RNF180: variants seen among roughly 807,000 people sequenced by gnomAD.
RNF180 encodes ring finger protein 180, also known as E3 ubiquitin-protein ligase RNF180.
A neutral mutation model predicts 59.2 loss-of-function variants in RNF180; 38 were observed. That is an observed-to-expected ratio of 0.64 (90% CI 0.50 to 0.84). The LOEUF (loss-of-function observed/expected upper bound fraction) is 0.84, where lower values mean the gene tolerates loss of function less well. RNF180 is among the 40% of genes least tolerant of loss of function. RNF180 has a pLI of 0.00. For missense variants in RNF180, 705 were observed against 700.9 expected, an observed-to-expected ratio of 1.01 and a Z score of -0.07; for synonymous variants, 262 against 240.3, an observed-to-expected ratio of 1.09 and a Z score of -0.84.
chr5:64,359,128 A>G (rs1266447131), intron 7 of RNF180, among the ~76,000 whole-genome samples: 1 of 151,566 alleles, frequency 6.6e-6, no homozygotes, highest in Non-Finnish European at 1.5e-5. Flanking sequence ...AGCATGATTT[A>G]TAGTCCTTTG....
intron 2 of RNF180, among the ~76,000 whole-genome samples, chr5:64,205,322 G>T (rs1482135788): frequency 6.6e-6 from 1 of 152,136 alleles, no homozygotes; most frequent in African/African-American, 2.4e-5. Context: ...AGGCAATTTA[G>T]AATGGAGTTT....
chr5:64,370,898 A>G lies in RNF180; in HGVS notation c.*1084A>G, dbSNP rs1746638399. On this transcript the variant is annotated 3_prime_UTR_variant, in exon 8 of 8. Coordinates refer to ENST00000389100, the MANE Select transcript of RNF180 (RefSeq NM_001113561.2). Reference sequence around the variant, plus strand: ...TATTATGAATTACTAATCCAGTATTACTACACTATGATGTCATATATCTGG... The same window carrying G: ...TATTATGAATTACTAATCCAGTATTGCTACACTATGATGTCATATATCTGG... 1 of 151,634 alleles carries G rather than the reference A, an allele frequency of 6.6e-6. No individual in the cohort carries two copies. The highest frequency in any genetic ancestry group is 2.1e-4 in the South Asian group (1 of 4,828). The allele number at this position is 151,634 out of a possible 1,614,324, so 9.4% of individuals were successfully genotyped here. A position where few individuals can be genotyped will look rare whatever the true frequency, so the allele number is the denominator to read the frequency against.
At chr5:64,274,840 G>A (rs577482444) in intron 5 of RNF180, among the ~76,000 whole-genome samples, 1 of 152,040 alleles carries the variant, frequency 6.6e-6, no homozygotes, top group South Asian at 2.1e-4. Context: ...ATAAACATCA[G>A]GGTTTTAAAC....
intron 6 of RNF180, among the ~76,000 whole-genome samples, chr5:64,326,763 G>A (rs1744665607): frequency 6.6e-6 from 1 of 152,072 alleles, no homozygotes; most frequent in African/African-American, 2.4e-5. Context: ...CAGGGCTATT[G>A]GACTGAAAAC....
chr5:64,292,798 G>C (rs376176486), intron 5 of RNF180, among the ~76,000 whole-genome samples: 1 of 152,168 alleles, frequency 6.6e-6, no homozygotes, highest in East Asian at 1.9e-4. Context: ...AGGGAGATCA[G>C]AGTTCTGTCC....
chr5:64,167,936 G>A (rs1484524364), intron 1 of RNF180, among the ~76,000 whole-genome samples: 2 of 152,146 alleles, frequency 1.3e-5, no homozygotes, highest in Non-Finnish European at 2.9e-5. Context: ...GAACTCCACG[G>A]AAGAAAGCAG....
intron 4 of RNF180, among the ~76,000 whole-genome samples, chr5:64,216,425 A>G (rs982262851): frequency 2.0e-5 from 3 of 152,194 alleles, no homozygotes; most frequent in Admixed American, 1.3e-4. Context: ...TCTTTGAGTA[A>G]TGACTTCAGT....
chr5:64,217,368 A>T lies in RNF180; in HGVS notation c.1199A>T (p.Tyr400Phe). ...RERWLQKQGK[Y>F]SGVGLLDHMT... ...AATTTTTTATTTCTCTAGGGTAAAT[A>T]CTCAGGAGTGGGATTGCTGGATCAT... is the stretch of plus-strand genomic sequence containing the variant. The change falls in exon 5 of 8, where the codon TAC becomes TTC. Residue 400 changes from tyrosine to phenylalanine, a missense_variant. Transcript: ENST00000389100. The T allele has an allele frequency of 7.1e-7, 1 of 1,414,266 alleles. No individual in the cohort carries two copies. The highest frequency in any genetic ancestry group is 9.3e-7 in the Non-Finnish European group (1 of 1,078,920). The allele number at this position is 1,414,266 out of a possible 1,614,324, so 87.6% of individuals were successfully genotyped here.
At chr5:64,178,367 A>G (rs564062907) in intron 1 of RNF180, among the ~76,000 whole-genome samples, 2 of 152,286 alleles carry the variant, frequency 1.3e-5, no homozygotes, top group Admixed American at 6.5e-5. Context: ...TTGGAAGCCA[A>G]AAGGCAAGAG....
At chr5:64,358,615 G>C (rs1746119140) in intron 7 of RNF180, among the ~76,000 whole-genome samples, 1 of 151,594 alleles carries the variant, frequency 6.6e-6, no homozygotes, top group South Asian at 2.1e-4. Flanking sequence ...GGTTTTATAG[G>C]CTAGATTTAT....
intron 5 of RNF180, among the ~76,000 whole-genome samples, chr5:64,320,930 C>T (rs1338015957): frequency 2.0e-5 from 3 of 151,780 alleles, no homozygotes; most frequent in East Asian, 3.9e-4. Context: ...CCCAGCCACT[C>T]GGGAGGCTGA....
intron 5 of RNF180, among the ~76,000 whole-genome samples, chr5:64,300,317 T>G (rs1337422794): frequency 6.6e-6 from 1 of 151,862 alleles, no homozygotes; most frequent in Non-Finnish European, 1.5e-5. Flanking sequence ...CCCACAATGC[T>G]TAAGTACTTC....
intron 5 of RNF180, among the ~76,000 whole-genome samples, chr5:64,282,305 AT>A: frequency 6.6e-6 from 1 of 152,104 alleles, no homozygotes; most frequent in African/African-American, 2.4e-5. Context: ...CAATTTATCT[AT>A]TTTTAGATTT....
intron 5 of RNF180, among the ~76,000 whole-genome samples, chr5:64,275,101 CAAT>C (rs1383581401): frequency 2.3e-4 from 35 of 151,568 alleles, no homozygotes; most frequent in African/African-American, 1.2e-4. Flanking sequence ...TTTGACACAA[CAAT>C]GACATTTATA....
intron 7 of RNF180, among the ~76,000 whole-genome samples, chr5:64,361,198 C>A (rs975489264): frequency 6.6e-6 from 1 of 151,328 alleles, no homozygotes; most frequent in Non-Finnish European, 1.5e-5. Flanking sequence ...TACTATAGAC[C>A]AATCTCCTTT....
At chr5:64,250,996 A>G (rs1743537442) in intron 5 of RNF180, among the ~76,000 whole-genome samples, 1 of 152,222 alleles carries the variant, frequency 6.6e-6, no homozygotes, top group African/African-American at 2.4e-5. Context: ...ATCACATTAA[A>G]AAGATCATTC....
intron 7 of RNF180, among the ~76,000 whole-genome samples, chr5:64,343,907 C>CT (rs1480188366): frequency 6.6e-6 from 1 of 151,368 alleles, no homozygotes. Flanking sequence ...CAAGGAAGGT[C>CT]TACTGGATAC....
At position 64,214,062 on chromosome 5, in the gene RNF180, T is replaced by C; in HGVS notation, c.736T>C (p.Tyr246His). 1 of 1,614,088 alleles carries C rather than the reference T, an allele frequency of 6.2e-7. No individual in the cohort carries two copies. The stretch of plus-strand genomic sequence containing the variant: ...GAAACTGACTTTATTACCCACTTTA[T>C]ATGAAATACATAGTAAGACTACTGC... ...SEKLTLLPTL[Y>H]EIHSKTTAYS... The change falls in exon 4 of 8, where the codon TAT becomes CAT. Residue 246 changes from tyrosine to histidine, a missense_variant. Coordinates refer to ENST00000389100, the MANE Select transcript of RNF180 (RefSeq NM_001113561.2).
intron 7 of RNF180, among the ~76,000 whole-genome samples, chr5:64,357,618 G>A (rs1157677057): frequency 6.6e-6 from 1 of 151,560 alleles, no homozygotes; most frequent in Non-Finnish European, 1.5e-5. Flanking sequence ...TTTTATGCAG[G>A]TACTCATCCA....
Sources: gnomAD v4.1 joint callset for allele counts (sites outside exome capture counted in the v4.1 genomes callset) on GRCh38, gnomAD v4.1.1 for gene constraint, MANE v1.5 for transcripts, NCBI Gene and HGNC (gene_info 2026-07-23, HGNC 2026-07-21) for gene names.